Variants in ARHGAP6 observed in about 807,000 individuals in gnomAD.
The protein encoded by ARHGAP6 is Rho GTPase activating protein 6.
Under a neutral mutation model 55.7 loss-of-function variants are expected in ARHGAP6, and 16 were observed. The ratio of observed to expected loss-of-function variants is 0.29; its 90% CI spans 0.19 to 0.44. The LOEUF is 0.44. Ranked by LOEUF, ARHGAP6 falls within the 20% of genes least tolerant of loss-of-function variation. The probability of loss-of-function intolerance (pLI) is 1.00; values close to 1 mark genes in which losing one functional copy is unlikely to be tolerated. For missense variants in ARHGAP6, 698 were observed against 808.9 expected (o/e 0.86, Z 1.66); for synonymous variants, 382 against 360.9 (o/e 1.06, Z -0.66).
At chrX:11,199,786 G>A (rs540937859) in intron 2 of ARHGAP6, among the ~76,000 whole-genome samples, 4 of 112,020 alleles carry the variant, frequency 3.6e-5, no homozygotes, top group African/African-American at 6.5e-5. Context: ...ATTAGATAGC[G>A]GTGAATGTTA....
At chrX:11,235,683 T>G (rs2047189501) in intron 2 of ARHGAP6, among the ~76,000 whole-genome samples, 1 of 111,286 alleles carries the variant, frequency 9.0e-6, no homozygotes, top group Non-Finnish European at 1.9e-5. Context: ...TTTCTCAAGT[T>G]CAAAGTCCCA....
chrX:11,618,248 A>G (rs1485863512), intron 1 of ARHGAP6, among the ~76,000 whole-genome samples: 3 of 111,734 alleles, frequency 2.7e-5, no homozygotes, highest in Non-Finnish European at 5.6e-5. Context: ...AGTGAAATCC[A>G]TTTTAGACAT....
rs145156928 is a variant in ARHGAP6 at position 11,207,461 on chromosome X, A to G, written c.749-10465T>C. ...TCAATTCCAATTAATAGGAATTCCA[A>G]TAGAATGGCTGAAACAAATTGAGTA... is the stretch of plus-strand genomic sequence containing the variant. On this transcript the variant is annotated intron_variant, in intron 2 of 12. Coordinates refer to ENST00000337414, the MANE Select transcript of ARHGAP6 (RefSeq NM_013427.3). Among the ~76,000 whole-genome samples, 720 of 112,354 alleles carry G rather than the reference A, an allele frequency of 6.4e-3. 5 individuals are homozygous for G. The highest frequency in any genetic ancestry group is 0.02 in the African/African-American group (629 of 30,921).
intron 1 of ARHGAP6, among the ~76,000 whole-genome samples, chrX:11,446,352 T>G (rs2050092009): frequency 8.9e-6 from 1 of 111,767 alleles, no homozygotes; most frequent in South Asian, 3.8e-4. Flanking sequence ...AATTCAGTAA[T>G]TGGGCTTTAG....
chrX:11,416,327 G>A (rs1292385070), intron 1 of ARHGAP6, among the ~76,000 whole-genome samples: 5 of 111,547 alleles, frequency 4.5e-5, no homozygotes, highest in African/African-American at 1.6e-4. Context: ...GTTGGGCTCA[G>A]TATGACTACA....
At chrX:11,627,851 C>T (rs777754018) in intron 1 of ARHGAP6, among the ~76,000 whole-genome samples, 6 of 111,940 alleles carry the variant, frequency 5.4e-5, no homozygotes, top group Middle Eastern at 4.6e-3. Context: ...TGGTAGACAT[C>T]ATTTCCACTA....
chrX:11,626,298 C>G (rs2052297605), intron 1 of ARHGAP6, among the ~76,000 whole-genome samples: 2 of 111,010 alleles, frequency 1.8e-5, no homozygotes, highest in Non-Finnish European at 3.8e-5. Context: ...AATAAATAAC[C>G]ATCAGAGAAA....
chrX:11,659,238 T>G (rs2052670079), intron 1 of ARHGAP6, among the ~76,000 whole-genome samples: 1 of 111,818 alleles, frequency 8.9e-6, no homozygotes, highest in African/African-American at 3.3e-5. Context: ...CCACCTCCTC[T>G]GAGGATCTGT....
At chrX:11,475,443 A>G (rs925322025) in intron 1 of ARHGAP6, among the ~76,000 whole-genome samples, 2 of 110,400 alleles carry the variant, frequency 1.8e-5, no homozygotes, top group Non-Finnish European at 3.8e-5. Flanking sequence ...CCAGCAGCAT[A>G]TCTTGAGTGT....
intron 9 of ARHGAP6, among the ~76,000 whole-genome samples, chrX:11,157,553 G>A (rs2045879640): frequency 8.9e-6 from 1 of 112,357 alleles, no homozygotes; most frequent in African/African-American, 3.2e-5. Context: ...ATTGAACCCA[G>A]CTCTGACTTG....
intron 1 of ARHGAP6, among the ~76,000 whole-genome samples, chrX:11,404,935 G>A (rs1474771178): frequency 1.8e-5 from 2 of 111,798 alleles, no homozygotes; most frequent in African/African-American, 6.5e-5. Context: ...CATAATTATA[G>A]GTGAAAATAC....
chrX:11,553,156 T>G (rs1300297050), intron 1 of ARHGAP6, among the ~76,000 whole-genome samples: 1 of 111,760 alleles, frequency 8.9e-6, no homozygotes, highest in Non-Finnish European at 1.9e-5. Context: ...ATATATTTTG[T>G]GAGAAAGTGC....
At chrX:11,531,571 T>C (rs1013458629) in intron 1 of ARHGAP6, among the ~76,000 whole-genome samples, 1 of 109,476 alleles carries the variant, frequency 9.1e-6, no homozygotes, top group Non-Finnish European at 1.9e-5. Flanking sequence ...TTCATGTTTG[T>C]CAACCTAGAT....
In ARHGAP6 at chrX:11,142,300, C is replaced by T; in HGVS notation, c.2190G>A (p.Glu730=). 1 of 1,196,790 alleles carries T rather than the reference C, an allele frequency of 8.4e-7. No individual in the cohort carries two copies. The highest frequency in any genetic ancestry group is 1.1e-6 in the Non-Finnish European group (1 of 885,532). The change falls in exon 12 of 13, where the codon GAG becomes GAA. Residue 730 remains glutamate, a synonymous_variant. Coordinates refer to ENST00000337414, the MANE Select transcript of ARHGAP6 (RefSeq NM_013427.3). ...GPRLGKDLSE[E]PFDIWGTWHS... is the part of the protein sequence containing the mutation. ...GCCAAGTTCCCCAGATATCGAAAGG[C>T]TCCTCTGACAGATCTAGGGAAAAAG... is the stretch of plus-strand genomic sequence containing the variant.
chrX:11,164,132 C>CTCATT (rs1432175426), intron 9 of ARHGAP6, among the ~76,000 whole-genome samples: 1 of 112,589 alleles, frequency 8.9e-6, no homozygotes, highest in African/African-American at 3.2e-5. Flanking sequence ...GTCTTCATTC[C>CTCATT]TCATTTCCAG....
At chrX:11,415,962 C>A (rs748325290) in intron 1 of ARHGAP6, among the ~76,000 whole-genome samples, 1 of 112,007 alleles carries the variant, frequency 8.9e-6, no homozygotes, top group South Asian at 3.8e-4. Flanking sequence ...GCTTGTCACA[C>A]AGCATTAGTG....
chrX:11,622,883 G>A (rs1264206414), intron 1 of ARHGAP6, among the ~76,000 whole-genome samples: 1 of 110,861 alleles, frequency 9.0e-6, no homozygotes, highest in Admixed American at 9.6e-5. Context: ...AAAGACCATG[G>A]AACAAAAATA....
intron 1 of ARHGAP6, among the ~76,000 whole-genome samples, chrX:11,647,970 G>T (rs2052546863): frequency 8.9e-6 from 1 of 111,974 alleles, no homozygotes; most frequent in Admixed American, 9.5e-5. Context: ...GCATCAATCA[G>T]GTCCTGAAGC....
intron 1 of ARHGAP6, among the ~76,000 whole-genome samples, chrX:11,593,480 G>T (rs2051863530): frequency 8.9e-6 from 1 of 112,117 alleles, no homozygotes; most frequent in Non-Finnish European, 1.9e-5. Context: ...TTAGGGTAAT[G>T]AAACTATTCT....
Sources: allele counts gnomAD v4.1 joint callset (sites outside exome capture counted in the v4.1 genomes callset), GRCh38; gene constraint gnomAD v4.1.1; transcripts MANE v1.5; gene names NCBI Gene and HGNC (gene_info 2026-07-23, HGNC 2026-07-21).